Variants in MGST1 observed in about 807,000 individuals in gnomAD.
MGST1 encodes the protein glutathione S-transferase 12.
Under a neutral mutation model 8.9 loss-of-function variants are expected in MGST1, and 5 were observed. The observed-to-expected ratio is 0.56, with a 90% CI of 0.29 to 1.19. The LOEUF is 1.19. Ranked by LOEUF, MGST1 falls within the 50% of genes most tolerant of loss-of-function variation. The pLI is 0.08. For synonymous variants in MGST1, 54 were observed against 67.8 expected (o/e 0.80, Z 1.00); for missense variants, 182 against 187.4 (o/e 0.97, Z 0.17).
At chr12:16,499,202 CA>C (rs1361734211) in intron 4 of MGST1, among the ~76,000 whole-genome samples, 1 of 152,146 alleles carries the variant, frequency 6.6e-6, no homozygotes, top group East Asian at 1.9e-4. Context: ...TATGCTGATG[CA>C]AAATTTACAT....
chr12:16,398,860 T>G (rs1183406656), intron 1 of MGST1, among the ~76,000 whole-genome samples: 1 of 152,204 alleles, frequency 6.6e-6, no homozygotes, highest in Non-Finnish European at 1.5e-5. Flanking sequence ...TAGGGTAGGT[T>G]GGAGGATTGA....
chr12:16,402,928 AAAAAT>A (rs1940669895), intron 1 of MGST1, among the ~76,000 whole-genome samples: 1 of 140,452 alleles, frequency 7.1e-6, no homozygotes, highest in African/African-American at 2.6e-5. Flanking sequence ...AAATAAAAGT[AAAAAT>A]AAAATACATT....
rs759968603 is a variant in MGST1 at position 16,504,000 on chromosome 12, C to G, written n.483-85528C>G. Among the ~76,000 whole-genome samples, 9 of 152,134 alleles carry G rather than the reference C, an allele frequency of 5.9e-5. No individual in the cohort carries two copies. The highest frequency in any genetic ancestry group is 1.0e-4 in the Non-Finnish European group (7 of 68,036). On this transcript the variant is annotated intron_variant and non_coding_transcript_variant, in intron 4 of 4. Coordinates refer to the MGST1 transcript ENST00000538857. This position sits in a 1 kb window ranked among gnomAD's most constrained non-coding sequence, Gnocchi z 4.8. Reference sequence around the variant, plus strand: ...CGATAAAAGGTGTTGTCTAACACTTCCGGCTCACCCTTGAATTCTTTCCTG... The same window carrying G: ...CGATAAAAGGTGTTGTCTAACACTTGCGGCTCACCCTTGAATTCTTTCCTG...
At chr12:16,543,341 A>C (rs1435940748) in intron 4 of MGST1, among the ~76,000 whole-genome samples, 1 of 152,156 alleles carries the variant, frequency 6.6e-6, no homozygotes, top group South Asian at 2.1e-4. Flanking sequence ...ACCATCCACT[A>C]TCTCTGACTA....
At chr12:16,355,204 CTTT>C (rs5796668) in intron 2 of MGST1, among the ~76,000 whole-genome samples, 2 of 125,184 alleles carry the variant, frequency 1.6e-5, no homozygotes, top group Non-Finnish European at 3.4e-5. Context: ...TTCCTTGTTA[CTTT>C]TTTTTTTTTT....
chr12:16,420,582 T>A (rs1940826572), intron 1 of MGST1, among the ~76,000 whole-genome samples: 1 of 152,136 alleles, frequency 6.6e-6, no homozygotes, highest in South Asian at 2.1e-4. Context: ...AAGGCAGAGC[T>A]GAGTTGTGAT....
chr12:16,495,755 A>T (rs953168120), intron 4 of MGST1, among the ~76,000 whole-genome samples: 4 of 151,914 alleles, frequency 2.6e-5, no homozygotes, highest in African/African-American at 9.7e-5. Flanking sequence ...TGTTTCTCCA[A>T]AACTGTATTC....
intron 1 of MGST1, among the ~76,000 whole-genome samples, chr12:16,385,323 G>A (rs933191178): frequency 2.0e-5 from 3 of 152,172 alleles, no homozygotes; most frequent in Non-Finnish European, 2.9e-5. Flanking sequence ...TGTGAATGGG[G>A]CAAGTCTAAA....
intron 4 of MGST1, among the ~76,000 whole-genome samples, chr12:16,462,494 C>CT (rs1941227991): frequency 6.6e-6 from 1 of 151,670 alleles, no homozygotes; most frequent in Non-Finnish European, 1.5e-5. Flanking sequence ...TGAAACCCAT[C>CT]TTTTTAGAAT....
At chr12:16,457,013 T>C (rs1708098973) in intron 4 of MGST1, among the ~76,000 whole-genome samples, 1 of 151,914 alleles carries the variant, frequency 6.6e-6, no homozygotes, top group Non-Finnish European at 1.5e-5. Flanking sequence ...AAACCTGACT[T>C]GTCACTCCGT....
chr12:16,456,753 C>A (rs1941177076), intron 4 of MGST1, among the ~76,000 whole-genome samples: 1 of 151,908 alleles, frequency 6.6e-6, no homozygotes, highest in African/African-American at 2.4e-5. Context: ...CACCGTCAAC[C>A]TTTGGGCTTT....
chr12:16,488,081 C>T (rs990778385), intron 4 of MGST1, among the ~76,000 whole-genome samples: 1 of 152,012 alleles, frequency 6.6e-6, no homozygotes, highest in Non-Finnish European at 1.5e-5. Flanking sequence ...TTGCAGTAAC[C>T]GTTAGAAGAA....
At chr12:16,575,461 A>T (rs1486629347) in intron 4 of MGST1, among the ~76,000 whole-genome samples, 1 of 152,216 alleles carries the variant, frequency 6.6e-6, no homozygotes, top group African/African-American at 2.4e-5. Context: ...AAATTTGGTC[A>T]ATTATGTAAG....
chr12:16,463,005 C>G (rs1249490415), intron 4 of MGST1, among the ~76,000 whole-genome samples: 1 of 152,098 alleles, frequency 6.6e-6, no homozygotes, highest in South Asian at 2.1e-4. Context: ...TCTCTCCCAC[C>G]CTTTCTCTCT....
At chr12:16,422,897 C>T (rs1339006349) in intron 1 of MGST1, among the ~76,000 whole-genome samples, 1 of 152,106 alleles carries the variant, frequency 6.6e-6, no homozygotes, top group African/African-American at 2.4e-5. Context: ...TGTCTTGTTA[C>T]ATGGACATGC....
At chr12:16,573,912 T>A (rs1286109398) in intron 4 of MGST1, 1 of 152,238 alleles carries the variant, frequency 6.6e-6, no homozygotes, top group Non-Finnish European at 1.5e-5. Flanking sequence ...TTTTCACACC[T>A]GATAGGCCCT....
intron 1 of MGST1, among the ~76,000 whole-genome samples, chr12:16,407,699 T>A (rs546689454): frequency 6.9e-4 from 105 of 151,746 alleles, no homozygotes; most frequent in African/African-American, 2.4e-3. Context: ...TAAAAAAAAA[T>A]ATGGTACACA....
intron 4 of MGST1, among the ~76,000 whole-genome samples, chr12:16,449,608 C>T (rs967423070): frequency 2.0e-5 from 3 of 151,918 alleles, no homozygotes; most frequent in African/African-American, 7.2e-5. Flanking sequence ...TGCTCCATGT[C>T]ATTGTTCATC....
intron 4 of MGST1, among the ~76,000 whole-genome samples, chr12:16,486,962 G>C (rs1198139539): frequency 6.6e-6 from 1 of 152,088 alleles, no homozygotes; most frequent in East Asian, 1.9e-4. Context: ...CTGTTTAAGG[G>C]CCTGCCATAT....
Sources: allele counts gnomAD v4.1 joint callset (sites outside exome capture counted in the v4.1 genomes callset), GRCh38; gene constraint gnomAD v4.1.1; non-coding constraint Gnocchi (gnomAD v3.1); transcripts MANE v1.5; gene names NCBI Gene and HGNC (gene_info 2026-07-23, HGNC 2026-07-21).